Variants in GNB1L observed in about 807,000 individuals in gnomAD.
GNB1L encodes guanine nucleotide-binding protein subunit beta-like protein 1.
GNB1L carries 20 observed loss-of-function variants against 29.1 expected under a neutral mutation model. That is an observed-to-expected ratio of 0.69 (90% CI 0.48 to 1.00). GNB1L has a LOEUF of 1.00. GNB1L is among the 50% of genes least tolerant of loss of function. The probability of loss-of-function intolerance (pLI) is 0.00; values close to 1 mark genes in which losing one functional copy is unlikely to be tolerated. For missense variants in GNB1L, 421 were observed against 464.9 expected (o/e 0.91, Z 0.87); for synonymous variants, 193 against 206.5 (o/e 0.93, Z 0.56).
intron 2 of GNB1L, chr22:19,850,301 G>A (rs1938064053): frequency 1.0e-6 from 1 of 982,100 alleles, no homozygotes; most frequent in Admixed American, 6.1e-5. Context: ...GACTAAGACA[G>A]AGCCCCTGTG....
At chr22:19,826,881 C>T (rs192802815) in intron 2 of GNB1L, among the ~76,000 whole-genome samples, 1 of 152,312 alleles carries the variant, frequency 6.6e-6, no homozygotes, top group East Asian at 1.9e-4. Flanking sequence ...CAATCAGACA[C>T]ATCCAGGTTA....
intron 7 of GNB1L, among the ~76,000 whole-genome samples, chr22:19,789,392 C>T (rs981187175): frequency 2.6e-5 from 4 of 152,118 alleles, no homozygotes; most frequent in South Asian, 2.1e-4. Context: ...CCAAAGCTGA[C>T]GAGGGTGAGA....
chr22:19,816,280 G>C lies in GNB1L; in HGVS notation c.255-3833C>G, dbSNP rs1330529419. Among the ~76,000 whole-genome samples, 1 of 152,194 alleles carries C rather than the reference G, an allele frequency of 6.6e-6. No individual in the cohort carries two copies. Among genetic ancestry groups the C allele is most frequent in the Non-Finnish European group, 1.5e-5 (1 of 68,030 alleles). ...CGATGTGACCTGCCCACCATCAGGG[G>C]TGTCAACCCTGATCGCCTGGTCAGG... On this transcript the variant is annotated intron_variant, in intron 4 of 7. Coordinates refer to ENST00000329517, the MANE Select transcript of GNB1L (RefSeq NM_053004.3). This position sits in a 1 kb window ranked among gnomAD's most constrained non-coding sequence, Gnocchi z 4.4.
intron 6 of GNB1L, among the ~76,000 whole-genome samples, chr22:19,803,972 C>T (rs1367164394): frequency 6.6e-6 from 1 of 152,284 alleles, no homozygotes; most frequent in African/African-American, 2.4e-5. Context: ...TGTGAAGCCA[C>T]TGCCTCTGAA....
chr22:19,813,353 C>T (rs943351458), intron 4 of GNB1L, among the ~76,000 whole-genome samples: 2 of 152,174 alleles, frequency 1.3e-5, no homozygotes, highest in African/African-American at 2.4e-5. Context: ...AGAGGAGTCT[C>T]AAGCATCCTG....
chr22:19,800,711 AT>A lies in GNB1L; in HGVS notation c.732+1289del, dbSNP rs563985915. Among the ~76,000 whole-genome samples the A allele has an allele frequency of 5.2e-3, 795 of 152,306 alleles. 3 individuals are homozygous for A. Among genetic ancestry groups the A allele is most frequent in the African/African-American group, 0.018 (744 of 41,572 alleles). On this transcript the variant is annotated intron_variant, in intron 7 of 7. Coordinates refer to ENST00000329517, the MANE Select transcript of GNB1L (RefSeq NM_053004.3). ...CCCCCATCCCCAGGACAGCTGACGG[AT>A]GGGTGAGGGATGGACACAGCTCTCC...
chr22:19,803,758 C>G (rs737859), intron 6 of GNB1L, among the ~76,000 whole-genome samples: 30,144 of 152,204 alleles, frequency 0.2, 3,163 homozygotes, highest in South Asian at 0.33. Flanking sequence ...GCATCCCAAC[C>G]AGGAATGCAG....
intron 7 of GNB1L, among the ~76,000 whole-genome samples, chr22:19,789,492 G>C (rs770923839): frequency 2.0e-5 from 3 of 152,066 alleles, no homozygotes; most frequent in African/African-American, 7.2e-5. Context: ...AAGACCCAGT[G>C]GGGGGTTGGC....
intron 2 of GNB1L, chr22:19,847,944 A>G: frequency 1.0e-6 from 1 of 985,260 alleles, no homozygotes; most frequent in East Asian, 1.1e-4. Context: ...CAGAGGGCCA[A>G]CTGCTTTTAC....
intron 2 of GNB1L, chr22:19,847,236 T>A: frequency 1.0e-6 from 1 of 985,470 alleles, no homozygotes; most frequent in East Asian, 1.1e-4. Flanking sequence ...GGCCCACAGG[T>A]GCAAGCAAGA....
chr22:19,818,181 C>T (rs753392285), intron 4 of GNB1L, among the ~76,000 whole-genome samples: 1 of 152,270 alleles, frequency 6.6e-6, no homozygotes, highest in Non-Finnish European at 1.5e-5. Context: ...AGCACCATCC[C>T]AGCAGGAAGG....
Position 19,853,427 on chromosome 22 carries a change from T to C in GNB1L, c.-21+1016A>G, listed in dbSNP as rs139318662. Among the ~76,000 whole-genome samples the C allele has an allele frequency of 3.3e-3, 501 of 152,256 alleles. 2 individuals carry two copies. Among genetic ancestry groups the C allele is most frequent in the African/African-American group, 0.011 (468 of 41,544 alleles). On this transcript the variant is annotated intron_variant, in intron 2 of 7. Coordinates refer to ENST00000329517, the MANE Select transcript of GNB1L (RefSeq NM_053004.3). ...GCCCTCCTGTAGGGCTCTTACACTCTGCAGCCTAACTCTATCTAGCCCCCT... is the reference window on the plus strand; with the variant it reads ...GCCCTCCTGTAGGGCTCTTACACTCCGCAGCCTAACTCTATCTAGCCCCCT...
In GNB1L at chr22:19,788,312, G is replaced by A. The variant is rs1937209888; in HGVS notation, c.*397C>T. On this transcript the variant is annotated 3_prime_UTR_variant, in exon 8 of 8. Coordinates refer to ENST00000329517, the MANE Select transcript of GNB1L (RefSeq NM_053004.3). ...CGGGGTGGCCCATTCAACAGCAGGT[G>A]TGAGGGTGGGGCTGAGCATCCTGCC... The A allele has an allele frequency of 5.7e-6, 3 of 525,018 alleles. No homozygotes were observed. Among genetic ancestry groups the A allele is most frequent in the East Asian group, 3.2e-5 (1 of 31,184 alleles). The allele number at this position is 525,018 out of a possible 1,614,324, so 32.5% of individuals were successfully genotyped here.
At chr22:19,802,931 C>T (rs1308843521) in intron 6 of GNB1L, among the ~76,000 whole-genome samples, 1 of 152,250 alleles carries the variant, frequency 6.6e-6, no homozygotes, top group Non-Finnish European at 1.5e-5. Context: ...CCGCATCACC[C>T]TGGGGACACA....
chr22:19,851,280 C>T (rs745966542), intron 2 of GNB1L: 1 of 1,613,106 alleles, frequency 6.2e-7, no homozygotes, highest in Non-Finnish European at 8.5e-7. Context: ...ACCTCCTCCT[C>T]TGTTTTCTGG....
At chr22:19,845,136 T>G (rs1209650034) in intron 2 of GNB1L, among the ~76,000 whole-genome samples, 1 of 151,860 alleles carries the variant, frequency 6.6e-6, no homozygotes, top group Non-Finnish European at 1.5e-5. Flanking sequence ...AAAGGGGAGG[T>G]CCCCTATCAC....
At chr22:19,803,036 G>A (rs1205668129) in intron 6 of GNB1L, among the ~76,000 whole-genome samples, 1 of 152,234 alleles carries the variant, frequency 6.6e-6, no homozygotes, top group Non-Finnish European at 1.5e-5. Context: ...CAGGGCGTGT[G>A]CCTAACAAAG....
At chr22:19,831,731 T>G (rs993536701) in intron 2 of GNB1L, among the ~76,000 whole-genome samples, 1 of 151,504 alleles carries the variant, frequency 6.6e-6, no homozygotes, top group Non-Finnish European at 1.5e-5. Flanking sequence ...GACAAAAATT[T>G]TAGCATTTGC....
chr22:19,847,804 C>CAAAAAAAAAAAAAAAAA lies in GNB1L; in HGVS notation c.-21+6622_-21+6638dup, dbSNP rs34331843. ...ACTTTTAAAATCCTGGAATCATAGG[C>CAAAAAAAAAAAAAAAAA]AAAAAAAAAAAAAAAAAAAAATTCA... On this transcript the variant is annotated intron_variant, in intron 2 of 7. Transcript: ENST00000329517. 671 of 611,872 alleles carry CAAAAAAAAAAAAAAAAA rather than the reference C, an allele frequency of 1.1e-3. 8 individuals are homozygous for CAAAAAAAAAAAAAAAAA. The highest frequency in any genetic ancestry group is 1.2e-3 in the African/African-American group (43 of 35,780). The allele number at this position is 611,872 out of a possible 1,614,324, so 37.9% of individuals were successfully genotyped here.
Sources: gnomAD v4.1 joint callset for allele counts (sites outside exome capture counted in the v4.1 genomes callset) on GRCh38, gnomAD v4.1.1 for gene constraint, Gnocchi (gnomAD v3.1) non-coding constraint, MANE v1.5 for transcripts, NCBI Gene and HGNC (gene_info 2026-07-23, HGNC 2026-07-21) for gene names.